Variants in TRIT1 observed in about 807,000 individuals in gnomAD.
TRIT1 encodes tRNA dimethylallyltransferase.
TRIT1 carries 43 observed loss-of-function variants against 51.2 expected under a neutral mutation model. That is an observed-to-expected ratio of 0.84 (90% CI 0.66 to 1.08). TRIT1 has a LOEUF of 1.08. TRIT1 is among the 50% of genes least tolerant of loss of function. The pLI, the probability that TRIT1 is intolerant of heterozygous loss-of-function variation, is 0.00. For missense variants in TRIT1, 528 were observed against 578.4 expected, an observed-to-expected ratio of 0.91 and a Z score of 0.89; for synonymous variants, 184 against 203.9, an observed-to-expected ratio of 0.90 and a Z score of 0.83.
intron 1 of TRIT1, chr1:39,881,754 CA>C (rs1235075414): frequency 6.6e-6 from 1 of 152,116 alleles, no homozygotes; most frequent in Non-Finnish European, 1.5e-5. Flanking sequence ...AGCCCTTTTT[CA>C]GAGAGCTTTC....
In TRIT1 at chr1:39,857,358, G is replaced by A; in HGVS notation, c.234C>T (p.Cys78=). The change falls in exon 2 of 11, where the codon TGC becomes TGT. Residue 78 remains cysteine (C), a synonymous_variant. Coordinates refer to ENST00000316891, the MANE Select transcript of TRIT1 (RefSeq NM_017646.6). The part of the protein sequence containing the change: ...NKVSAQEQRI[C]RHHMISFVDP... ...CCACAAAGCTGATCATGTGGTGCCGGCAGATTCTCTGCTCTTGGGCAGAAA... is the reference window on the plus strand; with the variant it reads ...CCACAAAGCTGATCATGTGGTGCCGACAGATTCTCTGCTCTTGGGCAGAAA... The A allele has an allele frequency of 6.2e-7, 1 of 1,614,164 alleles. No homozygotes were observed. The highest frequency in any genetic ancestry group is 8.5e-7 in the Non-Finnish European group (1 of 1,180,022).
chr1:39,859,466 T>C (rs1643111069), intron 1 of TRIT1, among the ~76,000 whole-genome samples: 2 of 150,440 alleles, frequency 1.3e-5, no homozygotes. Flanking sequence ...ACACCTGTAG[T>C]TCCGCTACTG....
In TRIT1 at chr1:39,838,647, T is replaced by C. The variant is rs2124561389; in HGVS notation, c.*3097A>G. Among the ~76,000 whole-genome samples the C allele has an allele frequency of 6.6e-6, 1 of 151,646 alleles. No individual in the cohort carries two copies. Among genetic ancestry groups the C allele is most frequent in the East Asian group, 2.0e-4 (1 of 4,944 alleles). Reference sequence around the variant, plus strand: ...CCACCATACCCGGCATGCATACATATATATATATGTAAGTATGTATGTATG... The same window carrying C: ...CCACCATACCCGGCATGCATACATACATATATATGTAAGTATGTATGTATG... On this transcript the variant is annotated 3_prime_UTR_variant, in exon 11 of 11. Coordinates refer to ENST00000316891, the MANE Select transcript of TRIT1 (RefSeq NM_017646.6).
chr1:39,847,140 A>G (rs1008441889), intron 8 of TRIT1, 80 bp downstream of exon 8: 111 of 1,205,546 alleles, frequency 9.2e-5, no homozygotes, highest in Non-Finnish European at 2.8e-5. Flanking sequence ...AGAATCTAAA[A>G]TTCATTTTCT....
At chr1:39,872,780 C>CACACACACACACACACACACAG (rs796230029) in intron 1 of TRIT1, among the ~76,000 whole-genome samples, 216 of 106,142 alleles carry the variant, frequency 2.0e-3, no homozygotes, top group African/African-American at 7.2e-3. Flanking sequence ...CACACACACA[C>CACACACACACACACACACACAG]AGAGAGAGAG....
At chr1:39,842,033 T>G in intron 10 of TRIT1, 120 bp from the exon 11 acceptor site, 1 of 1,122,472 alleles carries the variant, frequency 8.9e-7, no homozygotes, top group African/African-American at 1.6e-5. Flanking sequence ...AACAGCAAGA[T>G]CAACACATGT....
rs1652472398 is a variant in TRIT1 at position 39,838,867 on chromosome 1, AAAG to A, written c.*2874_*2876del. On this transcript the variant is annotated 3_prime_UTR_variant, in exon 11 of 11. Coordinates refer to ENST00000316891, the MANE Select transcript of TRIT1 (RefSeq NM_017646.6). ...AAGCAAAAAAATCCTCTTTGGAACT[AAAG>A]AGAGCTAAGAGAGGACAAAAAATTA... 6.7e-6 allele frequency among the ~76,000 whole-genome samples: 1 copy of A among 148,380 alleles called. No individual in the cohort carries two copies. Among genetic ancestry groups the A allele is most frequent in the Middle Eastern group, 3.4e-3 (1 of 294 alleles).
chr1:39,840,850 G>A lies in TRIT1; in HGVS notation c.*894C>T, dbSNP rs1277964497. Among the ~76,000 whole-genome samples, 8 of 152,162 alleles carry A rather than the reference G, an allele frequency of 5.3e-5. No individual in the cohort carries two copies. Among genetic ancestry groups the A allele is most frequent in the Non-Finnish European group, 1.0e-4 (7 of 68,020 alleles). On this transcript the variant is annotated 3_prime_UTR_variant, in exon 11 of 11. Coordinates refer to ENST00000316891, the MANE Select transcript of TRIT1 (RefSeq NM_017646.6). ...TCCAGAAAGAGGGCTTCAATTGGAAGTAATAGATCTCCAATAAAAGACCCT... is the reference window on the plus strand; with the variant it reads ...TCCAGAAAGAGGGCTTCAATTGGAAATAATAGATCTCCAATAAAAGACCCT...
At chr1:39,844,353 C>T in intron 9 of TRIT1, 135 bp from the exon 10 acceptor site, 2 of 876,302 alleles carry the variant, frequency 2.3e-6, no homozygotes, top group Non-Finnish European at 3.6e-6. Context: ...CAGATTTTAG[C>T]AACAACCTTT....
rs1399504354 is a variant in TRIT1 at position 39,841,138 on chromosome 1, T to G, written c.*606A>C. 18 of 152,232 alleles carry G rather than the reference T, an allele frequency of 1.2e-4. No individual in the cohort carries two copies. Among genetic ancestry groups the G allele is most frequent in the Admixed American group, 1.2e-3 (18 of 15,276 alleles). 9.4% of individuals were successfully genotyped at this position (152,232 alleles called of 1,614,324 possible). Reference sequence around the variant, plus strand: ...GACAGCAGTGATAATAACTCACACATGAGCAGCTCGCAAATTTCAAAGTCT... The same window carrying G: ...GACAGCAGTGATAATAACTCACACAGGAGCAGCTCGCAAATTTCAAAGTCT... On this transcript the variant is annotated 3_prime_UTR_variant, in exon 11 of 11. Coordinates refer to ENST00000316891, the MANE Select transcript of TRIT1 (RefSeq NM_017646.6).
intron 10 of TRIT1, among the ~76,000 whole-genome samples, chr1:39,843,773 C>A (rs1474475101): frequency 1.3e-5 from 2 of 152,138 alleles, no homozygotes; most frequent in Non-Finnish European, 2.9e-5. Context: ...CCCACCCCCA[C>A]TGAATTATAA....
At chr1:39,866,187 C>CT (rs1342655008) in intron 1 of TRIT1, among the ~76,000 whole-genome samples, 2 of 151,630 alleles carry the variant, frequency 1.3e-5, no homozygotes, top group African/African-American at 2.4e-5. Context: ...TCTTCTAGTT[C>CT]TTTTTTTTAG....
At chr1:39,862,156 T>C (rs1381236306) in intron 1 of TRIT1, among the ~76,000 whole-genome samples, 1 of 152,050 alleles carries the variant, frequency 6.6e-6, no homozygotes, top group African/African-American at 2.4e-5. Flanking sequence ...ATTTATTGTT[T>C]AACTGGTACA....
At chr1:39,858,036 T>C (rs1353760525) in intron 1 of TRIT1, among the ~76,000 whole-genome samples, 7 of 152,206 alleles carry the variant, frequency 4.6e-5, no homozygotes, top group Admixed American at 1.3e-4. Flanking sequence ...TCAAAGGCAA[T>C]ATCCTGTCTG....
At chr1:39,852,529 G>A (rs1241710222) in intron 4 of TRIT1, 7 of 631,828 alleles carry the variant, frequency 1.1e-5, no homozygotes, top group South Asian at 6.3e-5. Flanking sequence ...CATTTAAAAT[G>A]TAACAAAGTA....
At chr1:39,856,729 A>G (rs955872956) in intron 2 of TRIT1, among the ~76,000 whole-genome samples, 1 of 152,136 alleles carries the variant, frequency 6.6e-6, no homozygotes, top group Non-Finnish European at 1.5e-5. Flanking sequence ...CCAGAACTAT[A>G]TTTTCCAGTC....
intron 1 of TRIT1, among the ~76,000 whole-genome samples, chr1:39,860,093 G>T (rs1003346575): frequency 6.6e-6 from 1 of 152,208 alleles, no homozygotes; most frequent in Non-Finnish European, 1.5e-5. Flanking sequence ...GTGGCCTATG[G>T]TACTGCTTAT....
chr1:39,868,620 G>C (rs918066444), intron 1 of TRIT1, among the ~76,000 whole-genome samples: 2 of 149,488 alleles, frequency 1.3e-5, no homozygotes, highest in Non-Finnish European at 3.0e-5. Flanking sequence ...CTCCAGCCTG[G>C]GCGACAAAAG....
At chr1:39,851,639 T>C (rs961724762) in intron 4 of TRIT1, among the ~76,000 whole-genome samples, 1 of 152,128 alleles carries the variant, frequency 6.6e-6, no homozygotes, top group Admixed American at 6.6e-5. Context: ...AGGACAACCC[T>C]ACCTGAAGAA....
Sources: gnomAD v4.1 joint callset for allele counts (sites outside exome capture counted in the v4.1 genomes callset) on GRCh38, gnomAD v4.1.1 for gene constraint, MANE v1.5 for transcripts, NCBI Gene and HGNC (gene_info 2026-07-23, HGNC 2026-07-21) for gene names.